SLC13A3: variants seen among roughly 807,000 people sequenced by gnomAD.
SLC13A3 encodes the protein solute carrier family 13 member 3.
In SLC13A3, 40 loss-of-function variants were observed where a neutral mutation model predicts 59.0. The observed-to-expected ratio is 0.68, with a 90% CI of 0.53 to 0.88. The LOEUF (loss-of-function observed/expected upper bound fraction) is 0.88, where lower values mean the gene tolerates loss of function less well. Among genes scored for constraint, SLC13A3 ranks in the 40% least tolerant of loss-of-function variants. SLC13A3 has a pLI of 0.00. For missense variants in SLC13A3, 699 were observed against 783.2 expected (o/e 0.89, Z 1.28); for synonymous variants, 317 against 330.3 (o/e 0.96, Z 0.44).
At chr20:46,577,341 T>C (rs1161472954) in intron 9 of SLC13A3, among the ~76,000 whole-genome samples, 3 of 152,208 alleles carry the variant, frequency 2.0e-5, no homozygotes, top group Non-Finnish European at 4.4e-5. Context: ...GCAATGCAGG[T>C]GTCATATACC....
intron 9 of SLC13A3, among the ~76,000 whole-genome samples, chr20:46,576,134 C>T (rs751023387): frequency 1.3e-5 from 2 of 151,688 alleles, no homozygotes; most frequent in African/African-American, 2.4e-5. Context: ...CAAGTGGCAG[C>T]GCTGCAGTGG....
chr20:46,618,751 G>A (rs2062586271), intron 1 of SLC13A3, among the ~76,000 whole-genome samples: 1 of 152,156 alleles, frequency 6.6e-6, no homozygotes, highest in African/African-American at 2.4e-5. Flanking sequence ...CCCAGTCTAA[G>A]GTATTTTGTT....
intron 8 of SLC13A3, among the ~76,000 whole-genome samples, chr20:46,587,528 A>G (rs2122661021): frequency 6.6e-6 from 1 of 152,236 alleles, no homozygotes; most frequent in African/African-American, 2.4e-5. Context: ...GCTTCAGTAG[A>G]CATTCCCAGG....
chr20:46,583,626 A>G lies in SLC13A3; in HGVS notation c.1165T>C (p.Leu389=), dbSNP rs754812049. The change falls in exon 9 of 13, where the codon TTG becomes CTG. Residue 389 remains leucine, a synonymous_variant. Coordinates refer to ENST00000279027, the MANE Select transcript of SLC13A3 (RefSeq NM_022829.6). ...GGCCTTTGGGACGGGAAGAAGAACAAGATGGTGACAATAGCCACGCCGGTG... is the reference window on the plus strand; with the variant it reads ...GGCCTTTGGGACGGGAAGAAGAACAGGATGGTGACAATAGCCACGCCGGTG... ...AVTGVAIVTI[L]FFFPSQRPSL... The G allele has an allele frequency of 2.6e-5, 42 of 1,614,084 alleles. No individual in the cohort carries two copies. Among genetic ancestry groups the G allele is most frequent in the Non-Finnish European group, 3.6e-5 (42 of 1,180,020 alleles).
chr20:46,597,851 G>C (rs115379257), intron 4 of SLC13A3, among the ~76,000 whole-genome samples: 1 of 152,278 alleles, frequency 6.6e-6, no homozygotes, highest in East Asian at 1.9e-4. Context: ...TATTTCAAGA[G>C]TATTTTTTGA....
intron 1 of SLC13A3, among the ~76,000 whole-genome samples, chr20:46,668,826 C>T (rs1342200512): frequency 1.3e-5 from 2 of 152,212 alleles, no homozygotes; most frequent in African/African-American, 4.8e-5. Flanking sequence ...ATCTAAGCTG[C>T]TTATGCGCTA....
rs376972105 is a variant in SLC13A3, at chr20:46,559,970, T to C, written c.*52A>G. ...TTTGTAGTGTCCTAGCAGCAGGTGATGGTGACAGCCCTTTGAGAGGGTTCA... is the reference window on the plus strand; with the variant it reads ...TTTGTAGTGTCCTAGCAGCAGGTGACGGTGACAGCCCTTTGAGAGGGTTCA... On this transcript the variant is annotated 3_prime_UTR_variant, in exon 13 of 13. Transcript: ENST00000279027. 1.7e-4 allele frequency: 266 copies of C among 1,535,118 alleles called. No individual in the cohort carries two copies. Among genetic ancestry groups the C allele is most frequent in the Non-Finnish European group, 2.3e-4 (253 of 1,112,812 alleles).
chr20:46,656,260 T>A (rs28767474), upstream of SLC13A3, among the ~76,000 whole-genome samples: 17,219 of 140,454 alleles, frequency 0.12, 2,213 homozygotes, highest in African/African-American at 0.32. Context: ...TGTATACTTA[T>A]ATAGACTGTA....
intron 1 of SLC13A3, among the ~76,000 whole-genome samples, chr20:46,631,418 G>A (rs551334285): frequency 2.6e-5 from 4 of 152,288 alleles, no homozygotes; most frequent in Non-Finnish European, 4.4e-5. Context: ...TGAGTCAGAG[G>A]TAGATTGTGC....
At chr20:46,612,296 G>A (rs995352525) in intron 2 of SLC13A3, among the ~76,000 whole-genome samples, 2 of 151,724 alleles carry the variant, frequency 1.3e-5, no homozygotes, top group Non-Finnish European at 2.9e-5. Flanking sequence ...CACGCCCAGT[G>A]AATTTTTTGT....
upstream of SLC13A3, among the ~76,000 whole-genome samples, chr20:46,656,421 ATAT>A (rs2062993202): frequency 3.7e-4 from 11 of 29,868 alleles, no homozygotes; most frequent in African/African-American, 1.1e-3. Flanking sequence ...ATTATACTGT[ATAT>A]GATATACTAT....
At chr20:46,682,880 G>T (rs1428638110) in intron 1 of SLC13A3, among the ~76,000 whole-genome samples, 1 of 152,184 alleles carries the variant, frequency 6.6e-6, no homozygotes, top group Non-Finnish European at 1.5e-5. Context: ...CTCCCCGGTG[G>T]ACGTCAAGGG....
chr20:46,677,106 G>T (rs1186527851), intron 1 of SLC13A3, among the ~76,000 whole-genome samples: 1 of 152,146 alleles, frequency 6.6e-6, no homozygotes, highest in Non-Finnish European at 1.5e-5. Context: ...TAGAGACAGG[G>T]TTTCGCCATG....
At chr20:46,593,091 T>C (rs2062276637) in intron 5 of SLC13A3, among the ~76,000 whole-genome samples, 1 of 152,250 alleles carries the variant, frequency 6.6e-6, no homozygotes, top group South Asian at 2.1e-4. Flanking sequence ...CGATGAGTTC[T>C]TTCTCTGCTG....
chr20:46,669,664 A>G (rs1268105511), intron 1 of SLC13A3, among the ~76,000 whole-genome samples: 1 of 152,202 alleles, frequency 6.6e-6, no homozygotes, highest in Admixed American at 6.5e-5. Flanking sequence ...AAATTAGAGA[A>G]TGTGACTCAA....
chr20:46,612,713 A>G (rs2062511690), intron 2 of SLC13A3, among the ~76,000 whole-genome samples: 1 of 152,168 alleles, frequency 6.6e-6, no homozygotes, highest in South Asian at 2.1e-4. Flanking sequence ...CTTAAGATTC[A>G]CCAAATTGCC....
chr20:46,654,579 G>T (rs1422751497), upstream of SLC13A3, among the ~76,000 whole-genome samples: 3 of 152,026 alleles, frequency 2.0e-5, no homozygotes, highest in Non-Finnish European at 4.4e-5. Context: ...GCCCAGACTA[G>T]AGTGCAATGG....
intron 1 of SLC13A3, among the ~76,000 whole-genome samples, chr20:46,629,874 C>T (rs924443833): frequency 6.6e-6 from 1 of 152,180 alleles, no homozygotes; most frequent in Non-Finnish European, 1.5e-5. Context: ...TAACACAAAT[C>T]TTCTAGTATT....
At position 46,617,845 on chromosome 20, in the gene SLC13A3, C is replaced by T. The variant is rs1458152859; in HGVS notation, c.112-4120G>A. On this transcript the variant is annotated intron_variant, in intron 1 of 12. Coordinates refer to ENST00000279027, the MANE Select transcript of SLC13A3 (RefSeq NM_022829.6). ...TTGGTATCCTGCTCCACAATGAATT[C>T]GTGCTTTTAAAAATATACAATTACT... Among the ~76,000 whole-genome samples, 4 of 152,236 alleles carry T rather than the reference C, an allele frequency of 2.6e-5. No homozygotes were observed. The South Asian group carries it at 6.2e-4, about 24-fold the overall frequency.
Sources: allele counts gnomAD v4.1 joint callset (sites outside exome capture counted in the v4.1 genomes callset), GRCh38; gene constraint gnomAD v4.1.1; transcripts MANE v1.5; gene names NCBI Gene and HGNC (gene_info 2026-07-23, HGNC 2026-07-21).